Variants in GRHL3 observed in about 807,000 individuals in gnomAD.
The protein encoded by GRHL3 is grainyhead-like protein 3 homolog.
In GRHL3, 20 loss-of-function variants were observed where a neutral mutation model predicts 70.3. That is an observed-to-expected ratio of 0.28 (90% CI 0.20 to 0.41). The LOEUF (loss-of-function observed/expected upper bound fraction) is 0.41, where lower values mean the gene tolerates loss of function less well. Among genes scored for constraint, GRHL3 ranks in the 10% least tolerant of loss-of-function variants. The probability of loss-of-function intolerance (pLI) is 1.00; values close to 1 mark genes in which losing one functional copy is unlikely to be tolerated. For missense variants in GRHL3, 637 were observed against 762.3 expected (o/e 0.84, Z 1.94); for synonymous variants, 299 against 299.9 (o/e 1.00, Z 0.03).
intron 15 of GRHL3, chr1:24,364,128 A>G (rs1641294602): frequency 6.8e-7 from 1 of 1,467,554 alleles, no homozygotes. Flanking sequence ...TCTGTGAGAA[A>G]CACCAACTTT....
chr1:24,342,938 C>G lies in GRHL3; in HGVS notation c.1332C>G (p.Thr444=), dbSNP rs760868744. 1.2e-6 allele frequency: 2 copies of G among 1,614,050 alleles called. No individual in the cohort carries two copies. Among genetic ancestry groups the G allele is most frequent in the Admixed American group, 1.7e-5 (1 of 60,004 alleles). Residue 444 remains threonine, a synonymous_variant, in exon 11 of 16, where the codon ACC becomes ACG. Transcript: ENST00000361548. The surrounding 1 kb of genome is among the most constrained non-coding windows in gnomAD (Gnocchi z 4.8). Reference sequence around the variant, plus strand: ...CGGGCTTCAGGGGCAATGAGACGACCTACCTTCGGCCAGAGACTGACCTGG... The same window carrying G: ...CGGGCTTCAGGGGCAATGAGACGACGTACCTTCGGCCAGAGACTGACCTGG... ...LLSGFRGNET[T]YLRPETDLET... is the part of the protein sequence containing the mutation.
intron 1 of GRHL3, among the ~76,000 whole-genome samples, 160 bp from the exon 2 acceptor site, chr1:24,331,266 T>G (rs754535144): frequency 6.6e-6 from 1 of 152,200 alleles, no homozygotes; most frequent in South Asian, 2.1e-4. Flanking sequence ...CCAGAGTTTG[T>G]GTCCATTCTG....
At chr1:24,326,212 T>G (rs1479780718) in intron 1 of GRHL3, among the ~76,000 whole-genome samples, 1 of 152,236 alleles carries the variant, frequency 6.6e-6, no homozygotes, top group Non-Finnish European at 1.5e-5. Context: ...GCAAAGTACC[T>G]GGCTCACACC....
Position 24,336,103 on chromosome 1 carries a change from C to T in GRHL3, c.267-379C>T, listed in dbSNP as rs553620657. Reference sequence around the variant, plus strand: ...GAGATACACGTTTCTTCCACCCTCCCCACTTTGTACACACCCCGCTAGGGT... The same window carrying T: ...GAGATACACGTTTCTTCCACCCTCCTCACTTTGTACACACCCCGCTAGGGT... On this transcript the variant is annotated intron_variant, in intron 3 of 15. Coordinates refer to ENST00000361548, the MANE Select transcript of GRHL3 (RefSeq NM_198173.3). 3.3e-5 allele frequency among the ~76,000 whole-genome samples: 5 copies of T among 152,288 alleles called. No individual in the cohort carries two copies. The East Asian group carries it at 7.7e-4, about 24-fold the overall frequency.
intron 1 of GRHL3, among the ~76,000 whole-genome samples, chr1:24,330,782 C>G (rs1456119613): frequency 2.6e-4 from 39 of 152,262 alleles, no homozygotes. Flanking sequence ...AGCTTCTCAG[C>G]ACCAGTACCC....
chr1:24,358,572 C>T (rs780484873), downstream of GRHL3: 57 of 1,613,982 alleles, frequency 3.5e-5, no homozygotes, highest in South Asian at 5.5e-4. Context: ...TTCTTGTCCT[C>T]GTTGTAGAGG....
chr1:24,322,351 C>G lies in GRHL3; in HGVS notation c.17+2783C>G, dbSNP rs1212438772. On this transcript the variant is annotated intron_variant, in intron 1 of 15. Transcript: ENST00000361548. This position sits in a 1 kb window ranked among gnomAD's most constrained non-coding sequence, Gnocchi z 4.4. The stretch of plus-strand genomic sequence containing the variant: ...CCGCCGCCGCCGTTCTATCTGATCT[C>G]CAGGAGCGCCGGCTCCAGACTGCCT... 3.9e-5 allele frequency among the ~76,000 whole-genome samples: 6 copies of G among 152,156 alleles called. No individual in the cohort carries two copies. The highest frequency in any genetic ancestry group is 3.9e-4 in the Admixed American group (6 of 15,286).
At position 24,339,645 on chromosome 1, in the gene GRHL3, C is replaced by G. The variant is rs201454787; in HGVS notation, c.953-23C>G. ...CCAGATCCCTTCCTTCCTGATTCTC[C>G]TTCTGGTCTCCTGTGGTTTCAGCTG... On this transcript the variant is annotated intron_variant, in intron 7 of 15. Transcript: ENST00000361548. The G allele has an allele frequency of 1.2e-3, 1,800 of 1,564,088 alleles. 2 individuals carry two copies. The highest frequency in any genetic ancestry group is 1.3e-3 in the Non-Finnish European group (1,507 of 1,139,468).
Position 24,322,741 on chromosome 1 carries a change from A to G in GRHL3, c.17+3173A>G, listed in dbSNP as rs1639250500. Among the ~76,000 whole-genome samples, 2 of 152,276 alleles carry G rather than the reference A, an allele frequency of 1.3e-5. No individual in the cohort carries two copies. The highest frequency in any genetic ancestry group is 2.9e-5 in the Non-Finnish European group (2 of 68,044). On this transcript the variant is annotated intron_variant, in intron 1 of 15. Coordinates refer to ENST00000361548, the MANE Select transcript of GRHL3 (RefSeq NM_198173.3). This position sits in a 1 kb window ranked among gnomAD's most constrained non-coding sequence, Gnocchi z 4.4. The stretch of plus-strand genomic sequence containing the variant: ...AAGAGGGAAAACGGGGCTGAAACCC[A>G]GATGGGATCATCCAGCTTTCTCTTA...
chr1:24,336,768 G>A lies in GRHL3; in HGVS notation c.553G>A (p.Gly185Arg). ...CAACTCCTTGTTTGAGAGCATTCAT[G>A]GGGTGCCGCCCACACAGCGCTGGCA... Reference protein sequence around the residue: ...SLNSLFESIHGVPPTQRWQPD... With the variant: ...SLNSLFESIHRVPPTQRWQPD... The change falls in exon 4 of 16, where the codon GGG (glycine) becomes AGG (arginine). Residue 185 changes from glycine (G) to arginine (R), a missense_variant. Coordinates refer to ENST00000361548, the MANE Select transcript of GRHL3 (RefSeq NM_198173.3). The A allele has an allele frequency of 1.2e-6, 2 of 1,613,728 alleles. No homozygotes were observed. The highest frequency in any genetic ancestry group is 1.7e-6 in the Non-Finnish European group (2 of 1,179,858).
chr1:24,359,414 A>T (rs184210925), downstream of GRHL3, among the ~76,000 whole-genome samples: 1 of 152,180 alleles, frequency 6.6e-6, no homozygotes, highest in African/African-American at 2.4e-5. The surrounding 1 kb of genome is among the most constrained non-coding windows in gnomAD (Gnocchi z 5.3). Context: ...CCTTGTATGG[A>T]GCATTTGCAT....
chr1:24,341,134 G>C (rs558118301), intron 8 of GRHL3, among the ~76,000 whole-genome samples: 101 of 152,240 alleles, frequency 6.6e-4, no homozygotes, highest in African/African-American at 2.4e-3. Flanking sequence ...GGGGGGACCG[G>C]GGTTCCCATG....
rs763339319 is a variant in GRHL3, at chr1:24,337,098, C to A, written c.633C>A (p.Ile211=). The change falls in exon 5 of 16, where the codon ATC becomes ATA. Residue 211 remains isoleucine (I), a synonymous_variant. Coordinates refer to ENST00000361548, the MANE Select transcript of GRHL3 (RefSeq NM_198173.3). ...DPQESMLFPD[I]LKTSPEPPCP... is the part of the protein sequence containing the mutation. ...TGCAGTCGATGCTCTTCCCAGATAT[C>A]CTGAAAACCTCCCCGGAACCCCCAT... The A allele has an allele frequency of 6.2e-7, 1 of 1,614,100 alleles. No individual in the cohort carries two copies. Among genetic ancestry groups the A allele is most frequent in the East Asian group, 2.2e-5 (1 of 44,880 alleles).
chr1:24,348,692 G>T (rs144517512), intron 14 of GRHL3, among the ~76,000 whole-genome samples: 156 of 152,322 alleles, frequency 1.0e-3, no homozygotes, highest in African/African-American at 3.4e-3. Context: ...TGTCCAATTT[G>T]TCCAATTGAT....
At chr1:24,337,892 C>A in intron 6 of GRHL3, 100 bp from the exon 7 acceptor site, 1 of 1,565,682 alleles carries the variant, frequency 6.4e-7, no homozygotes, top group Non-Finnish European at 8.7e-7. Context: ...TGATAATAGC[C>A]CATTGCCACA....
At position 24,322,954 on chromosome 1, in the gene GRHL3, G is replaced by T; in HGVS notation, c.17+3386G>T. On this transcript the variant is annotated intron_variant, in intron 1 of 15. Coordinates refer to ENST00000361548, the MANE Select transcript of GRHL3 (RefSeq NM_198173.3). This position sits in a 1 kb window ranked among gnomAD's most constrained non-coding sequence, Gnocchi z 4.4. ...GTTCAGGCTTGCCCAAGGTCTCACG[G>T]AAGCACTGGGATCTTAACCGGGTCT... The T allele has an allele frequency of 1.3e-6, 1 of 764,566 alleles. No individual in the cohort carries two copies. The highest frequency in any genetic ancestry group is 2.2e-6 in the Non-Finnish European group (1 of 462,974). The allele number at this position is 764,566 out of a possible 1,614,324, so 47.4% of individuals were successfully genotyped here. A position where few individuals can be genotyped will look rare whatever the true frequency, so the allele number is the denominator to read the frequency against.
rs1329349026 is a variant in GRHL3, at chr1:24,343,211, GAGA to G, written c.1419+191_1419+193del. Reference sequence around the variant, plus strand: ...AGCTTCAGTGACCTATTGTATTGAAGAGAAGAATGTTATGAAGAAACAGATTTC... The same window carrying G: ...AGCTTCAGTGACCTATTGTATTGAAGAGAATGTTATGAAGAAACAGATTTC... On this transcript the variant is annotated intron_variant, in intron 11 of 15. Coordinates refer to ENST00000361548, the MANE Select transcript of GRHL3 (RefSeq NM_198173.3). 4 of 596,598 alleles carry G rather than the reference GAGA, an allele frequency of 6.7e-6. No individual in the cohort carries two copies. The Admixed American group carries it at 1.2e-4, about 18-fold the overall frequency. 37.0% of individuals were successfully genotyped at this position (596,598 alleles called of 1,614,324 possible). A position where few individuals can be genotyped will look rare whatever the true frequency, so the allele number is the denominator to read the frequency against.
chr1:24,347,273 G>A (rs1458191811), intron 13 of GRHL3, among the ~76,000 whole-genome samples, 195 bp from the exon 14 acceptor site: 1 of 152,216 alleles, frequency 6.6e-6, no homozygotes, highest in Non-Finnish European at 1.5e-5. Context: ...AGTAGAGCAG[G>A]GGTTCAGACA....
chr1:24,358,225 G>T (rs563247948), downstream of GRHL3: 50 of 576,434 alleles, frequency 8.7e-5, no homozygotes, highest in Middle Eastern at 8.0e-4. Context: ...CCTTCAGTCT[G>T]CGGCAGGGAG....
Sources: gnomAD v4.1 joint callset for allele counts (sites outside exome capture counted in the v4.1 genomes callset) on GRCh38, gnomAD v4.1.1 for gene constraint, Gnocchi (gnomAD v3.1) non-coding constraint, MANE v1.5 for transcripts, NCBI Gene and HGNC (gene_info 2026-07-23, HGNC 2026-07-21) for gene names.